ATXN10: variants seen among roughly 807,000 people sequenced by gnomAD.
The protein encoded by ATXN10 is ataxin-10.
A neutral mutation model predicts 52.9 loss-of-function variants in ATXN10; 28 were observed. That is an observed-to-expected ratio of 0.53 (90% CI 0.39 to 0.73). The LOEUF (loss-of-function observed/expected upper bound fraction) is 0.73, where lower values mean the gene tolerates loss of function less well. Ranked by LOEUF, ATXN10 falls within the 30% of genes least tolerant of loss-of-function variation. ATXN10 has a pLI of 0.00. For missense variants in ATXN10, 565 were observed against 577.0 expected, an observed-to-expected ratio of 0.98 and a Z score of 0.21; for synonymous variants, 226 against 221.5, an observed-to-expected ratio of 1.02 and a Z score of -0.18.
rs545368659 is a variant in ATXN10, at chr22:45,732,416, G to A, written c.894+2826G>A. The stretch of plus-strand genomic sequence containing the variant: ...TGAGGCTGCAGTGAGCTGTGATTGC[G>A]CTACTGCATTCCAGCCTGGGGAAGA... On this transcript the variant is annotated intron_variant, in intron 7 of 11. Coordinates refer to ENST00000252934, the MANE Select transcript of ATXN10 (RefSeq NM_013236.4). This position sits in a 1 kb window ranked among gnomAD's most constrained non-coding sequence, Gnocchi z 4.5. Among the ~76,000 whole-genome samples the A allele has an allele frequency of 9.2e-5, 14 of 152,164 alleles. No individual in the cohort carries two copies. The highest frequency in any genetic ancestry group is 7.7e-4 in the East Asian group (4 of 5,178).
chr22:45,671,961 C>G lies in ATXN10; in HGVS notation c.-103C>G, dbSNP rs926674206. The G allele has an allele frequency of 1.5e-6, 2 of 1,335,948 alleles. No individual in the cohort carries two copies. The highest frequency in any genetic ancestry group is 2.0e-6 in the Non-Finnish European group (2 of 977,932). 82.8% of individuals were successfully genotyped at this position (1,335,948 alleles called of 1,614,324 possible). ...AGGGCTGTGTAGGGCGAGGCCTCCC[C>G]CTTCCTCCTCGCCATCCTACTCCTC... On this transcript the variant is annotated 5_prime_UTR_variant, in exon 1 of 12. Transcript: ENST00000252934.
intron 9 of ATXN10, among the ~76,000 whole-genome samples, chr22:45,773,560 G>A (rs1352443170): frequency 6.6e-6 from 1 of 152,076 alleles, no homozygotes; most frequent in African/African-American, 2.4e-5. Flanking sequence ...CCAGGTTCAA[G>A]CGATTCTCCT....
rs1569028519 is a variant in ATXN10 at position 45,701,512 on chromosome 22, A to G, written c.488+1134A>G. Among the ~76,000 whole-genome samples, 1 of 152,206 alleles carries G rather than the reference A, an allele frequency of 6.6e-6. No homozygotes were observed. Among genetic ancestry groups the G allele is most frequent in the Non-Finnish European group, 1.5e-5 (1 of 68,022 alleles). ...ATTCCTGCAAATAATTAAGAGTTGA[A>G]GGTGTATATATATTAATGTTACATA... On this transcript the variant is annotated intron_variant, in intron 4 of 11. Coordinates refer to ENST00000252934, the MANE Select transcript of ATXN10 (RefSeq NM_013236.4). This position sits in a 1 kb window ranked among gnomAD's most constrained non-coding sequence, Gnocchi z 4.2.
chr22:45,672,208 G>A lies in ATXN10; in HGVS notation c.116+29G>A, dbSNP rs1214385601. 9 of 1,483,990 alleles carry A rather than the reference G, an allele frequency of 6.1e-6. No individual in the cohort carries two copies. The South Asian group carries it at 6.3e-5, about 10-fold the overall frequency. The allele number at this position is 1,483,990 out of a possible 1,614,324, so 91.9% of individuals were successfully genotyped here. ...ACGGGTCCGGCCGGGGGGCTGCCCC[G>A]GGCAGGGGAGGGCGGCCGGGACTCC... On this transcript the variant is annotated intron_variant, in intron 1 of 11. Coordinates refer to ENST00000252934, the MANE Select transcript of ATXN10 (RefSeq NM_013236.4).
At position 45,693,109 on chromosome 22, in the gene ATXN10, A is replaced by G. The variant is rs184465200; in HGVS notation, c.391+31A>G. The G allele has an allele frequency of 3.4e-4, 533 of 1,572,338 alleles. 3 individuals are homozygous for G. In the African/African-American group the frequency reaches 6.1e-3, roughly 18 times the overall value. On this transcript the variant is annotated intron_variant, in intron 3 of 11. Coordinates refer to ENST00000252934, the MANE Select transcript of ATXN10 (RefSeq NM_013236.4). ...ATGCAATATAATTCATGGATTATTTATATCTTTATAAAGGGTTCAAAACCA... is the reference window on the plus strand; with the variant it reads ...ATGCAATATAATTCATGGATTATTTGTATCTTTATAAAGGGTTCAAAACCA...
rs375489517 is a variant in ATXN10 at position 45,839,345 on chromosome 22, C to T, written c.1238-3646C>T. Among the ~76,000 whole-genome samples, 16 of 152,338 alleles carry T rather than the reference C, an allele frequency of 1.1e-4. No homozygotes were observed. In the South Asian group the frequency reaches 2.1e-3, roughly 20 times the overall value. ...TATTAGGTTGTCAGGTCCGTGGCTG[C>T]GCCAAGAACCTGCTCCGTGTGAAAT... On this transcript the variant is annotated intron_variant, in intron 10 of 11. Coordinates refer to ENST00000252934, the MANE Select transcript of ATXN10 (RefSeq NM_013236.4).
intron 7 of ATXN10, among the ~76,000 whole-genome samples, chr22:45,738,137 G>C (rs540727131): frequency 1.3e-5 from 2 of 152,284 alleles, no homozygotes; most frequent in East Asian, 3.9e-4. Flanking sequence ...GTCATGCAGT[G>C]TATTTGATAA....
At position 45,759,055 on chromosome 22, in the gene ATXN10, T is replaced by C. The variant is rs1926281502; in HGVS notation, c.1173+18517T>C. 1.3e-5 allele frequency among the ~76,000 whole-genome samples: 2 copies of C among 152,226 alleles called. No homozygotes were observed. The highest frequency in any genetic ancestry group is 2.9e-5 in the Non-Finnish European group (2 of 68,046). Reference sequence around the variant, plus strand: ...TCTTATTTAAAGGCAGTATATCTCATATCTTTAAAGATAACTTTAGAAACT... The same window carrying C: ...TCTTATTTAAAGGCAGTATATCTCACATCTTTAAAGATAACTTTAGAAACT... On this transcript the variant is annotated intron_variant, in intron 9 of 11. Coordinates refer to ENST00000252934, the MANE Select transcript of ATXN10 (RefSeq NM_013236.4). This position sits in a 1 kb window ranked among gnomAD's most constrained non-coding sequence, Gnocchi z 5.4.
At chr22:45,737,501 A>C (rs1043462474) in intron 7 of ATXN10, among the ~76,000 whole-genome samples, 15 of 152,208 alleles carry the variant, frequency 9.9e-5, no homozygotes, top group Admixed American at 2.6e-4. Flanking sequence ...ACTCTTTAGC[A>C]AAAGAAGGCT....
At chr22:45,698,509 A>T (rs933033615) in intron 3 of ATXN10, among the ~76,000 whole-genome samples, 4 of 152,198 alleles carry the variant, frequency 2.6e-5, no homozygotes, top group African/African-American at 9.6e-5. Flanking sequence ...TACATTGTAG[A>T]TACTTGGGAT....
In ATXN10 at chr22:45,735,223, A is replaced by T. The variant is rs377152286; in HGVS notation, c.895-3508A>T. 9.2e-5 allele frequency among the ~76,000 whole-genome samples: 14 copies of T among 152,158 alleles called. No homozygotes were observed. In the East Asian group the frequency reaches 1.2e-3, roughly 13 times the overall value. Reference sequence around the variant, plus strand: ...ACATTTAATATACAGATTGGTACATAGTTAATGTTCCCTAAATGTTATCTG... The same window carrying T: ...ACATTTAATATACAGATTGGTACATTGTTAATGTTCCCTAAATGTTATCTG... On this transcript the variant is annotated intron_variant, in intron 7 of 11. Coordinates refer to ENST00000252934, the MANE Select transcript of ATXN10 (RefSeq NM_013236.4).
intron 4 of ATXN10, 39 bp downstream of exon 4, chr22:45,700,417 G>C (rs377395510): frequency 1.3e-6 from 2 of 1,488,020 alleles, no homozygotes; most frequent in African/African-American, 2.8e-5. Flanking sequence ...CTTGTGAGAA[G>C]ATTGTGGCTA....
Position 45,835,996 on chromosome 22 carries a change from T to C in ATXN10, c.1238-6995T>C, listed in dbSNP as rs1445324586. Reference sequence around the variant, plus strand: ...TACATACAGCATTGCATGGAAACCTTTGAAGCACAGATGTTCTGTCGTATT... The same window carrying C: ...TACATACAGCATTGCATGGAAACCTCTGAAGCACAGATGTTCTGTCGTATT... On this transcript the variant is annotated intron_variant, in intron 10 of 11. Coordinates refer to ENST00000252934, the MANE Select transcript of ATXN10 (RefSeq NM_013236.4). This position sits in a 1 kb window ranked among gnomAD's most constrained non-coding sequence, Gnocchi z 5.0. Among the ~76,000 whole-genome samples, 1 of 152,202 alleles carries C rather than the reference T, an allele frequency of 6.6e-6. No individual in the cohort carries two copies. The highest frequency in any genetic ancestry group is 2.4e-5 in the African/African-American group (1 of 41,458).
chr22:45,697,079 G>A (rs1020826553), intron 3 of ATXN10, among the ~76,000 whole-genome samples: 7 of 151,974 alleles, frequency 4.6e-5, no homozygotes, highest in African/African-American at 1.7e-4. Context: ...GTGAACAATC[G>A]AGTGGCATTT....
intron 9 of ATXN10, among the ~76,000 whole-genome samples, chr22:45,778,990 G>A (rs135992): frequency 0.046 from 7,024 of 152,084 alleles, 457 homozygotes; most frequent in African/African-American, 0.15. Context: ...ATATGAGTTG[G>A]GGAAAATAAT....
intron 5 of ATXN10, among the ~76,000 whole-genome samples, chr22:45,717,082 C>T (rs192618197): frequency 1.4e-4 from 22 of 151,982 alleles, no homozygotes; most frequent in Admixed American, 1.1e-3. Context: ...CTTTTTTTCC[C>T]CTCCTAATTT....
intron 2 of ATXN10, 138 bp from the exon 3 acceptor site, chr22:45,692,858 A>G (rs113957803): frequency 1.1e-5 from 8 of 740,572 alleles, no homozygotes; most frequent in African/African-American, 5.3e-5. Context: ...TTTTTCCTGT[A>G]AAGAGCCAGA....
intron 10 of ATXN10, among the ~76,000 whole-genome samples, chr22:45,814,835 G>A (rs537589151): frequency 5.8e-4 from 88 of 152,308 alleles, no homozygotes; most frequent in African/African-American, 2.0e-3. Flanking sequence ...TCTCATAGGA[G>A]CGTGAACCCT....
At chr22:45,686,119 C>T (rs1314648410) in intron 1 of ATXN10, among the ~76,000 whole-genome samples, 1 of 152,188 alleles carries the variant, frequency 6.6e-6, no homozygotes, top group African/African-American at 2.4e-5. Flanking sequence ...TGATGCCTCA[C>T]TTTCCCCTTT....
Sources: allele counts gnomAD v4.1 joint callset (sites outside exome capture counted in the v4.1 genomes callset), GRCh38; gene constraint gnomAD v4.1.1; non-coding constraint Gnocchi (gnomAD v3.1); transcripts MANE v1.5; gene names NCBI Gene and HGNC (gene_info 2026-07-23, HGNC 2026-07-21).